Variants in AGL observed in about 807,000 individuals in gnomAD.
AGL encodes the protein glycogen debranching enzyme.
A neutral mutation model predicts 199.3 loss-of-function variants in AGL; 128 were observed. The observed-to-expected ratio is 0.64, with a 90% CI of 0.56 to 0.74. The LOEUF is 0.74. AGL is among the 30% of genes least tolerant of loss of function. AGL has a pLI of 0.00. For missense variants in AGL, 1,809 were observed against 1,820.8 expected, an observed-to-expected ratio of 0.99 and a Z score of 0.12; for synonymous variants, 584 against 594.7, an observed-to-expected ratio of 0.98 and a Z score of 0.26.
intron 5 of AGL, among the ~76,000 whole-genome samples, chr1:99,869,969 T>C (rs1217617989): frequency 1.3e-5 from 2 of 152,206 alleles, no homozygotes; most frequent in African/African-American, 4.8e-5. Flanking sequence ...TTCAATGTTG[T>C]AAATATTTGG....
chr1:99,912,414 T>C lies in AGL; in HGVS notation c.3846T>C (p.Ser1282=), dbSNP rs1654812003. ...CGTTTTTTAATTTTAGAGATGGGTCTGCTGTGGAAATTGTGGGCCTGAGTA... is the reference window on the plus strand; with the variant it reads ...CGTTTTTTAATTTTAGAGATGGGTCCGCTGTGGAAATTGTGGGCCTGAGTA... ...RGIPATPRDG[S]AVEIVGLSKS... The change falls in exon 29 of 34, where the codon TCT becomes TCC. Residue 1282 remains serine (S), a synonymous_variant. Transcript: ENST00000361915. The C allele has an allele frequency of 6.2e-7, 1 of 1,613,882 alleles. No individual in the cohort carries two copies. Among genetic ancestry groups the C allele is most frequent in the Non-Finnish European group, 8.5e-7 (1 of 1,179,820 alleles).
rs769750803 is a variant in AGL, at chr1:99,888,002, T to C, written c.2706T>C (p.Ala902=). The change falls in exon 21 of 34, where the codon GCT becomes GCC. Residue 902 remains alanine, a synonymous_variant. Transcript: ENST00000361915. ...FASLASRLTL[A]ELNQILYRCE... ...GTCTTGCCTCCAGATTAACTTTGGC[T>C]GAGCTAAATCAGATCCTTTACCGAT... 2 of 1,613,538 alleles carry C rather than the reference T, an allele frequency of 1.2e-6. No individual in the cohort carries two copies. The highest frequency in any genetic ancestry group is 1.7e-6 in the Non-Finnish European group (2 of 1,179,614).
intron 4 of AGL, among the ~76,000 whole-genome samples, chr1:99,862,756 A>C (rs1040423183): frequency 6.6e-6 from 1 of 152,278 alleles, no homozygotes; most frequent in Admixed American, 6.5e-5. Context: ...CTCACTCACT[A>C]TCATGAGAAC....
Position 99,900,662 on chromosome 1 carries a change from C to T in AGL, c.3389C>T (p.Thr1130Ile), listed in dbSNP as rs1557779877. Residue 1130 changes from threonine (T) to isoleucine (I), a missense_variant, in exon 26 of 34, where the codon ACC (threonine) becomes ATC (isoleucine). Physicochemically the swap from Thr to Ile is moderately conservative, Grantham distance 89. Coordinates refer to ENST00000361915, the MANE Select transcript of AGL (RefSeq NM_000642.3). ...AATATTATTTTAGCATTTGCGGGTA[C>T]CCTGAGGCATGGTCTCATTCCTAAT... Reference protein sequence around the residue: ...ARNIILAFAGTLRHGLIPNLL... With the variant: ...ARNIILAFAGILRHGLIPNLL... 1.2e-6 allele frequency: 2 copies of T among 1,613,998 alleles called. No individual in the cohort carries two copies. The highest frequency in any genetic ancestry group is 1.7e-6 in the Non-Finnish European group (2 of 1,179,918).
At position 99,856,057 on chromosome 1, in the gene AGL, A is replaced by ATT. The variant is rs1649388765; in HGVS notation, c.82+4933_82+4934insTT. Among the ~76,000 whole-genome samples, 4 of 152,340 alleles carry ATT rather than the reference A, an allele frequency of 2.6e-5. No homozygotes were observed. In the South Asian group the frequency reaches 8.3e-4, roughly 32 times the overall value. On this transcript the variant is annotated intron_variant, in intron 2 of 33. Coordinates refer to ENST00000361915, the MANE Select transcript of AGL (RefSeq NM_000642.3). ...AGAGAGACATGGCTAATGCAAGTTA[A>ATT]GTATCCTAGCATTAGTATGAGGAAT...
At chr1:99,867,426 AGAG>A (rs1299370037) in intron 5 of AGL, among the ~76,000 whole-genome samples, 1 of 152,202 alleles carries the variant, frequency 6.6e-6, no homozygotes, top group Non-Finnish European at 1.5e-5. Flanking sequence ...GGTGTGGCCA[AGAG>A]GGAGACATTC....
chr1:99,877,911 A>G, intron 12 of AGL, 83 bp downstream of exon 12: 4 of 1,381,970 alleles, frequency 2.9e-6, no homozygotes, highest in Non-Finnish European at 3.1e-6. Flanking sequence ...ATGCAGGTAA[A>G]TGTTTCCTTT....
chr1:99,901,764 G>C (rs568923995), intron 26 of AGL, among the ~76,000 whole-genome samples: 1 of 151,928 alleles, frequency 6.6e-6, no homozygotes, highest in Non-Finnish European at 1.5e-5. Context: ...ATATGATTGG[G>C]GGGGCTGGGA....
intron 1 of AGL, chr1:99,850,659 C>T (rs1648876360): frequency 3.9e-6 from 1 of 254,838 alleles, no homozygotes; most frequent in Non-Finnish European, 7.6e-6. Context: ...AGCCCTGTGG[C>T]TTGGGGCTGG....
intron 11 of AGL, 88 bp downstream of exon 11, chr1:99,876,685 C>T: frequency 2.1e-6 from 3 of 1,444,866 alleles, no homozygotes; most frequent in Non-Finnish European, 2.9e-6. Context: ...TTTTCTTCCC[C>T]ATTAGTCTAT....
rs755349696 is a variant in AGL, at chr1:99,902,727, C to T, written c.3633C>T (p.His1211=). 2 of 1,613,574 alleles carry T rather than the reference C, an allele frequency of 1.2e-6. No individual in the cohort carries two copies. The highest frequency in any genetic ancestry group is 1.7e-6 in the Non-Finnish European group (2 of 1,179,614). ...FEVIQEAMQK[H]MQGIQFRERN... ...TCATACAGGAAGCAATGCAAAAACA[C>T]ATGCAGGGCATACAGTTCCGAGAAA... The change falls in exon 27 of 34, where the codon CAC becomes CAT. Residue 1211 remains histidine (H), a synonymous_variant. Transcript: ENST00000361915.
At chr1:99,872,923 C>T (rs1651146707) in intron 7 of AGL, among the ~76,000 whole-genome samples, 1 of 152,108 alleles carries the variant, frequency 6.6e-6, no homozygotes, top group Non-Finnish European at 1.5e-5. Context: ...AATGTTTCTT[C>T]TCATTTTTCT....
rs1652260485 is a variant in AGL, at chr1:99,884,126, T to C, written c.2315T>C (p.Ile772Thr). The change falls in exon 18 of 34, where the codon ATT becomes ACT. Residue 772 changes from isoleucine (I) to threonine (T), a missense_variant. Physicochemically the swap from Ile to Thr is moderately conservative, Grantham distance 89. Transcript: ENST00000361915. ...EVPQMCIPGK[I>T]EEVVLEARTI... The stretch of plus-strand genomic sequence containing the variant: ...TGTTTTTATGTATTCCTAGGCAAAA[T>C]TGAAGAAGTAGTTCTTGAAGCTAGA... 6.2e-7 allele frequency: 1 copy of C among 1,611,502 alleles called. No homozygotes were observed. The highest frequency in any genetic ancestry group is 8.5e-7 in the Non-Finnish European group (1 of 1,178,120).
At chr1:99,870,951 C>G (rs1165597247) in intron 7 of AGL, 82 bp downstream of exon 7, 2 of 831,348 alleles carry the variant, frequency 2.4e-6, no homozygotes, top group Non-Finnish European at 2.0e-6. Flanking sequence ...TGGGTAACGT[C>G]ATTATTAAAT....
Position 99,862,242 on chromosome 1 carries a change from T to C in AGL, c.294-15T>C, listed in dbSNP as rs1650106050. 1 of 1,613,910 alleles carries C rather than the reference T, an allele frequency of 6.2e-7. No homozygotes were observed. Among genetic ancestry groups the C allele is most frequent in the African/African-American group, 1.3e-5 (1 of 74,928 alleles). On this transcript the variant is annotated splice_polypyrimidine_tract_variant and intron_variant, in intron 3 of 33. Transcript: ENST00000361915. ...ATCACTGACTGAAAAGTTTTTGTTTTGTTTTTTCCCTTAGAAATGAGAAAA... is the reference window on the plus strand; with the variant it reads ...ATCACTGACTGAAAAGTTTTTGTTTCGTTTTTTCCCTTAGAAATGAGAAAA...
At chr1:99,854,700 C>T (rs1308855550) in intron 2 of AGL, among the ~76,000 whole-genome samples, 1 of 148,378 alleles carries the variant, frequency 6.7e-6, no homozygotes, top group Non-Finnish European at 1.5e-5. Flanking sequence ...GGAGGCGGAG[C>T]TTGCAGTGAG....
At chr1:99,908,608 A>G (rs920253459) in intron 27 of AGL, among the ~76,000 whole-genome samples, 2 of 152,084 alleles carry the variant, frequency 1.3e-5, no homozygotes, top group African/African-American at 4.8e-5. Context: ...GATACTTCCA[A>G]CATCTGAGTC....
chr1:99,869,017 G>A (rs1284997015), intron 5 of AGL, among the ~76,000 whole-genome samples: 1 of 151,932 alleles, frequency 6.6e-6, no homozygotes, highest in African/African-American at 2.4e-5. Context: ...GTAGAGATGA[G>A]GTCTCACTAT....
At chr1:99,918,254 C>T (rs1030283284) in intron 33 of AGL, among the ~76,000 whole-genome samples, 1 of 152,164 alleles carries the variant, frequency 6.6e-6, no homozygotes, top group Non-Finnish European at 1.5e-5. Flanking sequence ...TCTAACCTAC[C>T]ATCACATCCA....
Sources: allele counts gnomAD v4.1 joint callset (sites outside exome capture counted in the v4.1 genomes callset), GRCh38; gene constraint gnomAD v4.1.1; transcripts MANE v1.5; gene names NCBI Gene and HGNC (gene_info 2026-07-23, HGNC 2026-07-21).